FAF1: variants seen among roughly 807,000 people sequenced by gnomAD.
FAF1 encodes Fas associated factor 1, also known as FAS-associated factor 1.
FAF1 carries 25 observed loss-of-function variants against 92.5 expected under a neutral mutation model. The observed-to-expected ratio is 0.27, with a 90% confidence interval of 0.20 to 0.38. FAF1 has a LOEUF of 0.38. Among genes scored for constraint, FAF1 ranks in the 10% least tolerant of loss-of-function variants. The pLI is 1.00. For synonymous variants in FAF1, 234 were observed against 273.2 expected, an observed-to-expected ratio of 0.86 and a Z score of 1.42; for missense variants, 636 against 793.3, an observed-to-expected ratio of 0.80 and a Z score of 2.38.
chr1:50,595,543 G>A (rs1213355669), intron 9 of FAF1, among the ~76,000 whole-genome samples: 1 of 151,790 alleles, frequency 6.6e-6, no homozygotes, highest in African/African-American at 2.4e-5. Context: ...GCAAAAAAAA[G>A]TTTCTTTTTT....
intron 4 of FAF1, among the ~76,000 whole-genome samples, chr1:50,766,069 G>A (rs1183304778): frequency 1.3e-5 from 2 of 152,046 alleles, no homozygotes; most frequent in Non-Finnish European, 2.9e-5. Context: ...TCCAGCCTGG[G>A]CGACAAGAAC....
chr1:50,759,382 A>G (rs1660224360), intron 4 of FAF1, among the ~76,000 whole-genome samples: 1 of 141,598 alleles, frequency 7.1e-6, no homozygotes, highest in Admixed American at 7.8e-5. Flanking sequence ...ATTCCCACCT[A>G]TGAGTGAGAA....
intron 1 of FAF1, among the ~76,000 whole-genome samples, chr1:50,909,127 C>T (rs1012381069): frequency 6.6e-6 from 1 of 152,156 alleles, no homozygotes; most frequent in Non-Finnish European, 1.5e-5. Context: ...TTCTCCTACA[C>T]TTATGAAGCT....
intron 2 of FAF1, among the ~76,000 whole-genome samples, chr1:50,824,297 C>T (rs1209844649): frequency 6.6e-6 from 1 of 152,092 alleles, no homozygotes; most frequent in African/African-American, 2.4e-5. Flanking sequence ...TCCTCCATTA[C>T]GTGAGCTTTC....
chr1:50,733,124 A>C (rs1343325159), intron 6 of FAF1, among the ~76,000 whole-genome samples: 6 of 152,208 alleles, frequency 3.9e-5, no homozygotes, highest in African/African-American at 1.4e-4. Context: ...AAGATAACAT[A>C]TATAACAGGC....
intron 1 of FAF1, among the ~76,000 whole-genome samples, chr1:50,868,717 A>C (rs1570076960): frequency 1.3e-5 from 2 of 152,296 alleles, no homozygotes; most frequent in South Asian, 4.1e-4. Flanking sequence ...CAGTTTTCCA[A>C]ACATCTTTTT....
intron 2 of FAF1, among the ~76,000 whole-genome samples, chr1:50,849,012 AC>A (rs1644326215): frequency 6.6e-6 from 1 of 152,152 alleles, no homozygotes; most frequent in Non-Finnish European, 1.5e-5. Flanking sequence ...TAATCCCAGA[AC>A]TTTGGGAGGC....
At chr1:50,653,677 C>T (rs2124289257) in intron 8 of FAF1, among the ~76,000 whole-genome samples, 2 of 152,168 alleles carry the variant, frequency 1.3e-5, no homozygotes, top group East Asian at 3.9e-4. Flanking sequence ...ACCAGCCTGG[C>T]CTACTTGGTG....
intron 1 of FAF1, among the ~76,000 whole-genome samples, chr1:50,883,203 C>A (rs1160209721): frequency 6.6e-6 from 1 of 151,104 alleles, no homozygotes; most frequent in African/African-American, 2.4e-5. Context: ...ATCTGAACAT[C>A]AAAAATAAAA....
intron 7 of FAF1, among the ~76,000 whole-genome samples, chr1:50,678,534 G>A (rs1656255186): frequency 6.6e-6 from 1 of 151,982 alleles, no homozygotes; most frequent in Non-Finnish European, 1.5e-5. Context: ...TATAATCCCA[G>A]CACTTTGGGA....
chr1:50,507,770 G>C (rs1351315396), intron 15 of FAF1, among the ~76,000 whole-genome samples: 1 of 152,150 alleles, frequency 6.6e-6, no homozygotes, highest in African/African-American at 2.4e-5. Flanking sequence ...GATTTGAGCA[G>C]TGAAAGGTTT....
At chr1:50,760,243 C>A (rs572164656) in intron 4 of FAF1, among the ~76,000 whole-genome samples, 2 of 152,096 alleles carry the variant, frequency 1.3e-5, no homozygotes, top group East Asian at 3.9e-4. Context: ...TAATGGGAGA[C>A]TTTAACACCC....
In FAF1 at chr1:50,491,855, AAG is replaced by A. The variant is rs1213655824; in HGVS notation, c.1495-56_1495-55del. 7.1e-5 allele frequency: 99 copies of A among 1,393,870 alleles called. 1 individual carries two copies. The South Asian group carries it at 1.0e-3, about 14-fold the overall frequency. The allele number at this position is 1,393,870 out of a possible 1,614,324, so 86.3% of individuals were successfully genotyped here. ...GACATATAACTTTTTTTTGAAAAAA[AAG>A]AGAAAAAAAACTAATGGTAATCCCT... On this transcript the variant is annotated intron_variant, in intron 15 of 18. Coordinates refer to ENST00000396153, the MANE Select transcript of FAF1 (RefSeq NM_007051.3).
At chr1:50,823,414 A>G (rs565198562) in intron 2 of FAF1, among the ~76,000 whole-genome samples, 1 of 152,344 alleles carries the variant, frequency 6.6e-6, no homozygotes, top group Admixed American at 6.5e-5. Context: ...GAATAACATA[A>G]GCACATAAAA....
intron 8 of FAF1, among the ~76,000 whole-genome samples, chr1:50,619,909 CTTT>C (rs869279028): frequency 5.7e-5 from 8 of 140,246 alleles, no homozygotes; most frequent in Admixed American, 7.2e-5. Flanking sequence ...CTCTCTCTCT[CTTT>C]TTTTTTTTTT....
chr1:50,631,800 A>T (rs1451343316), intron 8 of FAF1, among the ~76,000 whole-genome samples: 1 of 152,230 alleles, frequency 6.6e-6, no homozygotes, highest in Non-Finnish European at 1.5e-5. Context: ...GGTGAAAAAC[A>T]TAAACAGAAA....
chr1:50,857,835 T>C, intron 2 of FAF1, 94 bp downstream of exon 2: 1 of 659,388 alleles, frequency 1.5e-6, no homozygotes, highest in South Asian at 2.2e-5. Flanking sequence ...ATAGATGAGC[T>C]ATGGTATGCT....
chr1:50,570,676 C>T (rs1311915726), intron 12 of FAF1, among the ~76,000 whole-genome samples: 1 of 152,174 alleles, frequency 6.6e-6, no homozygotes. Context: ...TTTTCTCTGA[C>T]ATAAGCTTTC....
At chr1:50,510,841 G>C (rs1647125864) in intron 15 of FAF1, among the ~76,000 whole-genome samples, 1 of 152,112 alleles carries the variant, frequency 6.6e-6, no homozygotes, top group South Asian at 2.1e-4. Flanking sequence ...AGAGGAAAAA[G>C]ATATTTGAGA....
Sources: allele counts gnomAD v4.1 joint callset (sites outside exome capture counted in the v4.1 genomes callset), GRCh38; gene constraint gnomAD v4.1.1; transcripts MANE v1.5; gene names NCBI Gene and HGNC (gene_info 2026-07-23, HGNC 2026-07-21).